Variants in TNPO3 observed in about 807,000 individuals in gnomAD.
TNPO3 encodes the protein transportin-3.
Under a neutral mutation model 122.8 loss-of-function variants are expected in TNPO3, and 65 were observed. The ratio of observed to expected loss-of-function variants is 0.53; its 90% CI spans 0.43 to 0.65. The LOEUF (loss-of-function observed/expected upper bound fraction) is 0.65. Among genes scored for constraint, TNPO3 ranks in the 30% least tolerant of loss-of-function variants. The probability of loss-of-function intolerance (pLI) is 0.00; values close to 1 mark genes in which losing one functional copy is unlikely to be tolerated. For missense variants in TNPO3, 850 were observed against 1,136.7 expected, an observed-to-expected ratio of 0.75 and a Z score of 3.63; for synonymous variants, 372 against 411.2, an observed-to-expected ratio of 0.90 and a Z score of 1.15.
chr7:128,984,293 AACG>A (rs747858151), intron 12 of TNPO3, 34 bp from the exon 13 acceptor site: 7 of 1,525,208 alleles, frequency 4.6e-6, no homozygotes, highest in Non-Finnish European at 6.3e-6. Flanking sequence ...ATGAAAAATA[AACG>A]CTGAATTGAG....
chr7:128,983,084 C>T (rs141368008), intron 13 of TNPO3, among the ~76,000 whole-genome samples: 16 of 152,234 alleles, frequency 1.1e-4, no homozygotes, highest in African/African-American at 2.9e-4. Context: ...ACCTTAAAAA[C>T]GGAGCTCTCA....
chr7:128,997,261 A>G (rs1197039072), intron 8 of TNPO3, 128 bp downstream of exon 8: 1 of 942,432 alleles, frequency 1.1e-6, no homozygotes, highest in Non-Finnish European at 1.5e-6. Context: ...GGCCTCCCAA[A>G]GTGCTGGACT....
At chr7:128,971,844 G>T (rs552599485) in intron 19 of TNPO3, among the ~76,000 whole-genome samples, 4 of 152,020 alleles carry the variant, frequency 2.6e-5, no homozygotes, top group Non-Finnish European at 4.4e-5. Flanking sequence ...AACTCTTTTT[G>T]GTCTAGAGCT....
chr7:128,983,121 T>A (rs2150328252), intron 13 of TNPO3, among the ~76,000 whole-genome samples: 1 of 152,242 alleles, frequency 6.6e-6, no homozygotes, highest in East Asian at 1.9e-4. Flanking sequence ...AGGTCAGATA[T>A]GTTTTGTTAT....
At chr7:128,963,404 AACT>A (rs1167006319) in intron 21 of TNPO3, among the ~76,000 whole-genome samples, 1 of 152,236 alleles carries the variant, frequency 6.6e-6, no homozygotes, top group Admixed American at 6.5e-5. Flanking sequence ...AGAGAGAAGC[AACT>A]ACTACACTTC....
At chr7:129,034,232 G>A (rs183876392) in intron 1 of TNPO3, among the ~76,000 whole-genome samples, 14 of 152,238 alleles carry the variant, frequency 9.2e-5, no homozygotes, top group African/African-American at 3.1e-4. Context: ...CATAAAAACA[G>A]AAAGTAGGCC....
At chr7:129,048,625 T>C (rs1808333588) in intron 1 of TNPO3, among the ~76,000 whole-genome samples, 1 of 147,222 alleles carries the variant, frequency 6.8e-6, no homozygotes, top group South Asian at 2.1e-4. Context: ...GGGCAACATA[T>C]ACATCTCATA....
intron 1 of TNPO3, among the ~76,000 whole-genome samples, chr7:129,042,375 A>T (rs1807486010): frequency 1.3e-5 from 2 of 152,212 alleles, no homozygotes; most frequent in Non-Finnish European, 2.9e-5. Flanking sequence ...GAGTAAAAAG[A>T]ACTCTTAAAA....
intron 1 of TNPO3, chr7:129,041,662 G>A (rs1807393453): frequency 1.0e-6 from 1 of 985,468 alleles, no homozygotes; most frequent in Non-Finnish European, 1.2e-6. Flanking sequence ...GAAGCCTGGG[G>A]CTCAGAGTCA....
chr7:129,036,911 T>C (rs765141267), intron 1 of TNPO3, among the ~76,000 whole-genome samples: 6 of 151,984 alleles, frequency 3.9e-5, no homozygotes, highest in Non-Finnish European at 7.4e-5. Context: ...CTATGCTTGA[T>C]AACAGGTCAA....
chr7:128,989,810 C>T (rs1381009720), intron 11 of TNPO3, 151 bp downstream of exon 11: 9 of 786,522 alleles, frequency 1.1e-5, no homozygotes, highest in Non-Finnish European at 1.8e-5. Flanking sequence ...ATCAAATAAG[C>T]ACTAACTTAC....
intron 9 of TNPO3, among the ~76,000 whole-genome samples, chr7:128,993,163 A>G (rs1800935639): frequency 6.6e-6 from 1 of 151,390 alleles, no homozygotes; most frequent in Non-Finnish European, 1.5e-5. Context: ...TTAGTTTAGT[A>G]TTGCTGTGAC....
At position 128,997,489 on chromosome 7, in the gene TNPO3, A is replaced by G. The variant is rs760397103; in HGVS notation, c.1058T>C (p.Leu353Ser). The stretch of plus-strand genomic sequence containing the variant: ...AATAACTTCATCGTTAGTTTTGTAC[A>G]AATGTTCCCCCAGTCGGTACCAAAA... ...FNFWYRLGEH[L>S]YKTNDEVIHG... The change falls in exon 8 of 23, where the codon TTG (leucine) becomes TCG (serine). Residue 353 changes from leucine (L) to serine (S), a missense_variant. Leu to Ser is a moderately radical substitution (Grantham distance 145). Coordinates refer to ENST00000265388, the MANE Select transcript of TNPO3 (RefSeq NM_012470.4). 1 of 1,614,140 alleles carries G rather than the reference A, an allele frequency of 6.2e-7. No individual in the cohort carries two copies. The highest frequency in any genetic ancestry group is 8.5e-7 in the Non-Finnish European group (1 of 1,179,968).
rs182694509 is a variant in TNPO3, at chr7:128,974,260, G to A, written c.2273+608C>T. On this transcript the variant is annotated intron_variant, in intron 18 of 22. Coordinates refer to ENST00000265388, the MANE Select transcript of TNPO3 (RefSeq NM_012470.4). ...CATTTGTAAATGATATAACAGTTGG[G>A]CTTTTGTTGTTTCGAAAATAATGAT... Among the ~76,000 whole-genome samples the A allele has an allele frequency of 1.3e-4, 20 of 150,476 alleles. No individual in the cohort carries two copies. In the East Asian group the frequency reaches 3.9e-3, roughly 29 times the overall value.
At chr7:129,006,991 CTT>C (rs894827066) in intron 4 of TNPO3, among the ~76,000 whole-genome samples, 5 of 152,168 alleles carry the variant, frequency 3.3e-5, no homozygotes, top group Non-Finnish European at 7.3e-5. Context: ...ATACTTGACT[CTT>C]TCTATTTCTT....
intron 6 of TNPO3, among the ~76,000 whole-genome samples, chr7:129,000,819 A>G (rs1445396388): frequency 1.3e-5 from 2 of 152,196 alleles, no homozygotes; most frequent in Non-Finnish European, 2.9e-5. Context: ...ATCACACTTG[A>G]TATTTTAAAA....
At chr7:129,007,461 T>G (rs918338396) in intron 4 of TNPO3, among the ~76,000 whole-genome samples, 4 of 152,238 alleles carry the variant, frequency 2.6e-5, no homozygotes, top group Non-Finnish European at 4.4e-5. Flanking sequence ...TAACTAGCTA[T>G]ATACTAATTT....
At chr7:129,027,928 C>T (rs934049878) in intron 1 of TNPO3, among the ~76,000 whole-genome samples, 2 of 152,126 alleles carry the variant, frequency 1.3e-5, no homozygotes, top group African/African-American at 4.8e-5. Flanking sequence ...AAGACTGATA[C>T]GTTAGGCCAC....
intron 1 of TNPO3, among the ~76,000 whole-genome samples, chr7:129,053,836 G>A (rs1809115370): frequency 6.6e-6 from 1 of 152,310 alleles, no homozygotes; most frequent in Middle Eastern, 3.4e-3. Context: ...CAGAAATGAA[G>A]CACAGCAAAG....
Sources: allele counts gnomAD v4.1 joint callset (sites outside exome capture counted in the v4.1 genomes callset), GRCh38; gene constraint gnomAD v4.1.1; transcripts MANE v1.5; gene names NCBI Gene and HGNC (gene_info 2026-07-23, HGNC 2026-07-21).